CSMD1: variants seen among roughly 807,000 people sequenced by gnomAD.
CSMD1 encodes the protein CUB and sushi domain-containing protein 1.
CSMD1 carries 213 observed loss-of-function variants against 417.5 expected under a neutral mutation model. The ratio of observed to expected loss-of-function variants is 0.51; its 90% CI spans 0.46 to 0.57. The LOEUF is 0.57. Among genes scored for constraint, CSMD1 ranks in the 20% least tolerant of loss-of-function variants. CSMD1 has a pLI of 0.00. For synonymous variants in CSMD1, 2,862 were observed against 1,736.8 expected (o/e 1.65, Z -16.11); for missense variants, 6,923 against 4,529.7 (o/e 1.53, Z -15.17).
intron 3 of CSMD1, among the ~76,000 whole-genome samples, chr8:4,253,162 G>C (rs1036596729): frequency 2.0e-5 from 3 of 152,154 alleles, no homozygotes; most frequent in African/African-American, 7.2e-5. Flanking sequence ...AAACTCATTA[G>C]GAAACATTCT....
chr8:3,438,394 G>A (rs747646821), intron 12 of CSMD1, among the ~76,000 whole-genome samples: 15 of 152,158 alleles, frequency 9.9e-5, no homozygotes, highest in East Asian at 1.9e-4. Flanking sequence ...CATCCCTCCC[G>A]TTGACCCTTG....
intron 50 of CSMD1, among the ~76,000 whole-genome samples, chr8:3,041,060 AAAT>A (rs1476914998): frequency 6.6e-6 from 1 of 152,158 alleles, no homozygotes; most frequent in Non-Finnish European, 1.5e-5. Flanking sequence ...TCTGTACAAG[AAAT>A]AATAATTTTC....
chr8:4,674,741 G>T (rs1585431412), intron 1 of CSMD1, among the ~76,000 whole-genome samples: 3 of 152,198 alleles, frequency 2.0e-5, no homozygotes, highest in African/African-American at 7.2e-5. Context: ...GAAAATGCAA[G>T]GTTTCCTGGC....
In CSMD1 at chr8:4,764,253, A is replaced by G. The variant is rs570673610; in HGVS notation, c.86-126695T>C. Among the ~76,000 whole-genome samples, 34 of 152,350 alleles carry G rather than the reference A, an allele frequency of 2.2e-4. 1 individual carries two copies. Among genetic ancestry groups the G allele is most frequent in the African/African-American group, 8.2e-4 (34 of 41,596 alleles). ...CAGTCGTATTGTACAGAGATTAGGG[A>G]AATATATTCTCTATAATATTGGGGG... On this transcript the variant is annotated intron_variant, in intron 1 of 69. Transcript: ENST00000635120.
intron 2 of CSMD1, among the ~76,000 whole-genome samples, chr8:4,449,005 T>G (rs1229825095): frequency 6.6e-6 from 1 of 152,206 alleles, no homozygotes; most frequent in Non-Finnish European, 1.5e-5. Flanking sequence ...TATTATTTAT[T>G]ACTTGTGTGC....
intron 40 of CSMD1, chr8:3,151,148 C>T (rs1819169311): frequency 1.6e-5 from 6 of 370,504 alleles, no homozygotes; most frequent in Admixed American, 4.2e-5. Flanking sequence ...TTTTGTACTT[C>T]GTATGCCTAC....
At position 3,214,520 on chromosome 8, in the gene CSMD1, TC is replaced by T; in HGVS notation, c.4843del (p.Asp1615ThrfsTer21). 1 of 1,599,248 alleles carries T rather than the reference TC, an allele frequency of 6.3e-7. No homozygotes were observed. The highest frequency in any genetic ancestry group is 8.5e-7 in the Non-Finnish European group (1 of 1,172,734). ...VIGADGKPSW[D>X]QVLPSCNAPC... is the part of the protein sequence containing the mutation. ...ACCATTGCAGGAGGGCAGCACTTGG[TC>T]CCAGGAGGGTTTCCCATCAGCCCCA... On this transcript the variant is annotated frameshift_variant, in exon 30 of 70. Transcript: ENST00000635120. LOFTEE classifies it high-confidence loss of function.
chr8:4,264,903 A>G (rs1479887198), intron 3 of CSMD1, among the ~76,000 whole-genome samples: 1 of 152,208 alleles, frequency 6.6e-6, no homozygotes, highest in Non-Finnish European at 1.5e-5. Flanking sequence ...ACATGTAGGA[A>G]TTGGGTTTAA....
At chr8:4,733,252 T>C (rs1255220810) in intron 1 of CSMD1, among the ~76,000 whole-genome samples, 2 of 152,174 alleles carry the variant, frequency 1.3e-5, no homozygotes, top group African/African-American at 4.8e-5. Context: ...ACCCTAGTAT[T>C]TGAGAAACAT....
At chr8:3,251,643 A>T (rs1037127747) in intron 26 of CSMD1, among the ~76,000 whole-genome samples, 2 of 152,148 alleles carry the variant, frequency 1.3e-5, no homozygotes, top group African/African-American at 4.8e-5. Flanking sequence ...GAATCTATCA[A>T]TTACCTTGGG....
At chr8:4,231,409 T>G (rs1246778996) in intron 3 of CSMD1, among the ~76,000 whole-genome samples, 1 of 152,172 alleles carries the variant, frequency 6.6e-6, no homozygotes, top group South Asian at 2.1e-4. Context: ...CTCACAAAGT[T>G]GTTACAAAAA....
At chr8:4,436,405 G>C (rs1350660060) in intron 2 of CSMD1, among the ~76,000 whole-genome samples, 2 of 151,902 alleles carry the variant, frequency 1.3e-5, no homozygotes, top group African/African-American at 2.4e-5. Flanking sequence ...TTCAATTTTT[G>C]TGTGTACAGA....
intron 1 of CSMD1, among the ~76,000 whole-genome samples, chr8:4,730,654 T>C (rs1809787479): frequency 2.0e-5 from 3 of 151,692 alleles, no homozygotes; most frequent in African/African-American, 7.3e-5. Flanking sequence ...GACAGGAGAA[T>C]GGTGTGAACC....
chr8:4,423,475 T>C (rs961684672), intron 2 of CSMD1, among the ~76,000 whole-genome samples: 4 of 151,982 alleles, frequency 2.6e-5, no homozygotes, highest in African/African-American at 4.8e-5. Context: ...AAGAAAAGCT[T>C]CTGTATAAAT....
intron 1 of CSMD1, among the ~76,000 whole-genome samples, chr8:4,795,536 G>T (rs889405769): frequency 6.6e-6 from 1 of 151,734 alleles, no homozygotes; most frequent in African/African-American, 2.4e-5. Context: ...TTCTGGTATT[G>T]CAGGCATGAG....
chr8:3,536,056 C>A (rs1426751086), intron 10 of CSMD1, among the ~76,000 whole-genome samples: 2 of 152,154 alleles, frequency 1.3e-5, no homozygotes, highest in African/African-American at 4.8e-5. Flanking sequence ...AGTCACAGGT[C>A]CTGGCCATAC....
At chr8:3,846,024 C>T (rs554981394) in intron 5 of CSMD1, among the ~76,000 whole-genome samples, 3 of 151,790 alleles carry the variant, frequency 2.0e-5, no homozygotes, top group Non-Finnish European at 4.4e-5. Flanking sequence ...TGGACATCTT[C>T]TGAAAGAGCT....
chr8:4,636,858 T>G (rs2130857478), intron 2 of CSMD1, among the ~76,000 whole-genome samples: 1 of 152,278 alleles, frequency 6.6e-6, no homozygotes, highest in South Asian at 2.1e-4. Flanking sequence ...AGAACTTTTC[T>G]GTCTTACAAG....
At chr8:3,706,899 T>C (rs1426348444) in intron 7 of CSMD1, among the ~76,000 whole-genome samples, 6 of 152,216 alleles carry the variant, frequency 3.9e-5, no homozygotes, top group Non-Finnish European at 7.3e-5. Context: ...TTTTTTTCCC[T>C]TCAGTTTTCC....
Sources: allele counts gnomAD v4.1 joint callset (sites outside exome capture counted in the v4.1 genomes callset), GRCh38; gene constraint gnomAD v4.1.1; transcripts MANE v1.5; gene names NCBI Gene and HGNC (gene_info 2026-07-23, HGNC 2026-07-21).